RAPGEF2: variants seen among roughly 807,000 people sequenced by gnomAD.
The protein encoded by RAPGEF2 is PDZ domain containing guanine nucleotide exchange factor (GEF) 1.
A neutral mutation model predicts 186.7 loss-of-function variants in RAPGEF2; 54 were observed. The observed-to-expected ratio is 0.29, with a 90% CI of 0.23 to 0.36. The LOEUF (loss-of-function observed/expected upper bound fraction) is 0.36. RAPGEF2 is among the 10% of genes least tolerant of loss of function. The pLI is 1.00. For synonymous variants in RAPGEF2, 712 were observed against 705.9 expected (o/e 1.01, Z -0.14); for missense variants, 1,532 against 2,045.0 (o/e 0.75, Z 4.84).
chr4:159,115,746 A>G (rs1193447697), intron 1 of RAPGEF2, among the ~76,000 whole-genome samples: 2 of 152,214 alleles, frequency 1.3e-5, no homozygotes, highest in Non-Finnish European at 2.9e-5. Context: ...CACATAGACC[A>G]ATGGAACAGA....
chr4:159,173,441 G>A (rs1478962548), intron 1 of RAPGEF2, among the ~76,000 whole-genome samples: 1 of 152,144 alleles, frequency 6.6e-6, no homozygotes, highest in African/African-American at 2.4e-5. Flanking sequence ...GAGGTTTCCT[G>A]AGGGTGATTT....
At chr4:159,152,345 G>T (rs947668884) in intron 1 of RAPGEF2, among the ~76,000 whole-genome samples, 1 of 152,056 alleles carries the variant, frequency 6.6e-6, no homozygotes, top group Non-Finnish European at 1.5e-5. Context: ...AGAAAGAAAA[G>T]AATGAATGTT....
chr4:159,199,338 A>G (rs1166220385), intron 3 of RAPGEF2, among the ~76,000 whole-genome samples: 1 of 152,220 alleles, frequency 6.6e-6, no homozygotes, highest in African/African-American at 2.4e-5. Flanking sequence ...TGTTGAGCAG[A>G]AGAGTATTTA....
chr4:159,352,628 CCCTTTGATGTTATAAA>C (rs1323667960), intron 26 of RAPGEF2, 41 bp from the exon 27 acceptor site: 2 of 1,394,880 alleles, frequency 1.4e-6, no homozygotes, highest in Admixed American at 3.5e-5. Flanking sequence ...TGGTAGACTT[CCCTTTGATGTTATAAA>C]CCTAGAGAGT....
At chr4:159,144,336 C>T (rs193213729) in intron 1 of RAPGEF2, among the ~76,000 whole-genome samples, 4 of 152,180 alleles carry the variant, frequency 2.6e-5, no homozygotes, top group African/African-American at 4.8e-5. Context: ...TTCCATTGTA[C>T]TGCATTTGAT....
chr4:159,185,577 C>T (rs1414244448), intron 1 of RAPGEF2, among the ~76,000 whole-genome samples: 1 of 152,126 alleles, frequency 6.6e-6, no homozygotes, highest in East Asian at 1.9e-4. Flanking sequence ...ATCATATATT[C>T]CACTGTGGGA....
intron 1 of RAPGEF2, among the ~76,000 whole-genome samples, chr4:159,180,860 A>G (rs575208108): frequency 6.6e-6 from 1 of 152,322 alleles, no homozygotes; most frequent in South Asian, 2.1e-4. Flanking sequence ...ATACAGGCTC[A>G]GTAACAATTT....
intron 1 of RAPGEF2, among the ~76,000 whole-genome samples, chr4:159,127,416 A>T (rs1242842244): frequency 6.6e-6 from 1 of 152,032 alleles, no homozygotes; most frequent in Non-Finnish European, 1.5e-5. Flanking sequence ...ACACCTTTTG[A>T]TTTCCTCCCT....
rs182526457 is a variant in RAPGEF2, at chr4:159,191,755, A to G, written c.141-1445A>G. ...TCCATCTCAAAATAATAATAATGAT[A>G]ATAATAATACTATATAGACAACTCT... is the stretch of plus-strand genomic sequence containing the variant. On this transcript the variant is annotated intron_variant, in intron 2 of 29. Transcript: ENST00000691494. Among the ~76,000 whole-genome samples, 366 of 152,260 alleles carry G rather than the reference A, an allele frequency of 2.4e-3. 2 individuals are homozygous for G. The highest frequency in any genetic ancestry group is 2.5e-3 in the Non-Finnish European group (173 of 68,018).
chr4:159,311,157 T>C (rs1324163643), intron 8 of RAPGEF2, among the ~76,000 whole-genome samples: 1 of 152,164 alleles, frequency 6.6e-6, no homozygotes, highest in Non-Finnish European at 1.5e-5. Context: ...AAACTAGGGT[T>C]AGTAATACTA....
At chr4:159,295,780 CAT>C (rs1761943875) in intron 7 of RAPGEF2, among the ~76,000 whole-genome samples, 1 of 149,706 alleles carries the variant, frequency 6.7e-6, no homozygotes, top group Admixed American at 6.6e-5. Flanking sequence ...CGCGCATGCA[CAT>C]AATGTTTTTT....
chr4:159,340,746 ACAAAAAC>A (rs1270053571), intron 19 of RAPGEF2, among the ~76,000 whole-genome samples: 1 of 23,942 alleles, frequency 4.2e-5, no homozygotes, highest in African/African-American at 6.2e-4. Flanking sequence ...TGTCTAAAAA[ACAAAAAC>A]AAAACAAAAA....
chr4:159,188,203 G>A (rs537781954), intron 2 of RAPGEF2, among the ~76,000 whole-genome samples: 1 of 152,272 alleles, frequency 6.6e-6, no homozygotes, highest in South Asian at 2.1e-4. Flanking sequence ...AAATGGAAAT[G>A]CAACTAATTA....
chr4:159,112,500 A>G (rs1337964563), intron 1 of RAPGEF2, among the ~76,000 whole-genome samples: 4 of 152,202 alleles, frequency 2.6e-5, no homozygotes, highest in South Asian at 2.1e-4. Context: ...GGGAGTCCCA[A>G]TGGCCAAATT....
At chr4:159,236,205 T>C (rs920365263) in intron 4 of RAPGEF2, among the ~76,000 whole-genome samples, 4 of 152,236 alleles carry the variant, frequency 2.6e-5, no homozygotes, top group African/African-American at 9.6e-5. Context: ...CGAGTCTTTT[T>C]ATGGTTGAAA....
At chr4:159,238,977 T>C in intron 5 of RAPGEF2, 93 bp downstream of exon 5, 2 of 676,872 alleles carry the variant, frequency 3.0e-6, no homozygotes, top group Non-Finnish European at 4.4e-6. Context: ...AGATTTTTGT[T>C]GAATAGAAAA....
intron 3 of RAPGEF2, among the ~76,000 whole-genome samples, chr4:159,198,397 T>TCTCTCTTC (rs1473819471): frequency 1.7e-5 from 2 of 118,888 alleles, no homozygotes; most frequent in African/African-American, 4.1e-5. Flanking sequence ...CCTTCCTTCC[T>TCTCTCTTC]CTCTCTTCCT....
chr4:159,131,621 T>C (rs1159894568), intron 1 of RAPGEF2, among the ~76,000 whole-genome samples: 1 of 148,968 alleles, frequency 6.7e-6, no homozygotes, highest in Non-Finnish European at 1.5e-5. Flanking sequence ...GAAATATAAG[T>C]GCTAAGTGCA....
chr4:159,295,762 CGCGCGCGCGCGCAT>C (rs1761927387), intron 7 of RAPGEF2, among the ~76,000 whole-genome samples: 1 of 128,036 alleles, frequency 7.8e-6, no homozygotes. Context: ...TGTGCGCGCG[CGCGCGCGCGCGCAT>C]GCACATAATG....
Sources: allele counts gnomAD v4.1 joint callset (sites outside exome capture counted in the v4.1 genomes callset), GRCh38; gene constraint gnomAD v4.1.1; transcripts MANE v1.5; gene names NCBI Gene and HGNC (gene_info 2026-07-23, HGNC 2026-07-21).